UNC13A: variants seen among roughly 807,000 people sequenced by gnomAD.
The protein encoded by UNC13A is unc-13 homolog A, also known as protein unc-13 homolog A.
In UNC13A, 61 loss-of-function variants were observed where a neutral mutation model predicts 219.7. The ratio of observed to expected loss-of-function variants is 0.28; its 90% CI spans 0.23 to 0.34. UNC13A has a LOEUF of 0.34. Among genes scored for constraint, UNC13A ranks in the 10% least tolerant of loss-of-function variants. The probability of loss-of-function intolerance (pLI) is 1.00; values close to 1 mark genes in which losing one functional copy is unlikely to be tolerated. For missense variants in UNC13A, 1,476 were observed against 2,270.3 expected, an observed-to-expected ratio of 0.65 and a Z score of 7.11; for synonymous variants, 920 against 884.6, an observed-to-expected ratio of 1.04 and a Z score of -0.71.
chr19:17,629,471 T>A (rs1375270628), intron 30 of UNC13A, 148 bp from the exon 31 acceptor site: 2 of 630,686 alleles, frequency 3.2e-6, no homozygotes, highest in Non-Finnish European at 5.5e-6. Context: ...AATTCTCCAC[T>A]CAAGATGACC....
chr19:17,623,303 A>C, intron 36 of UNC13A: 2 of 466,918 alleles, frequency 4.3e-6, no homozygotes, highest in Non-Finnish European at 7.6e-6. Flanking sequence ...GGGAGTGGGT[A>C]GTGGGGCTCC....
At chr19:17,636,709 T>C (rs367932808) in intron 25 of UNC13A, among the ~76,000 whole-genome samples, 1 of 152,158 alleles carries the variant, frequency 6.6e-6, no homozygotes, top group Non-Finnish European at 1.5e-5. Context: ...ATTCTACCTA[T>C]CTAAACCCAA....
intron 20 of UNC13A, among the ~76,000 whole-genome samples, chr19:17,642,032 A>ACATC (rs56041637): frequency 1.3e-4 from 19 of 150,390 alleles, no homozygotes; most frequent in East Asian, 2.0e-4. Context: ...ATCTGCCTAT[A>ACATC]CATCCATCCA....
At chr19:17,668,239 C>T in intron 5 of UNC13A, 49 bp from the exon 6 acceptor site, 4 of 1,048,788 alleles carry the variant, frequency 3.8e-6, no homozygotes, top group Non-Finnish European at 5.3e-6. Flanking sequence ...CCCTGCCGCT[C>T]AGCCTCCATC....
rs1339832097 is a variant in UNC13A, at chr19:17,649,404, C to G, written c.1519-60G>C. 10 of 1,612,882 alleles carry G rather than the reference C, an allele frequency of 6.2e-6. No individual in the cohort carries two copies. The highest frequency in any genetic ancestry group is 8.5e-6 in the Non-Finnish European group (10 of 1,179,670). ...CAGACTACATTAGTCTCAGAGAATG[C>G]CTAGCTGGCCCCCAACCCCAGGTTG... On this transcript the variant is annotated intron_variant, in intron 13 of 43. Transcript: ENST00000519716. This position sits in a 1 kb window ranked among gnomAD's most constrained non-coding sequence, Gnocchi z 4.4.
At chr19:17,677,112 T>A (rs2079913535) in intron 1 of UNC13A, among the ~76,000 whole-genome samples, 1 of 152,122 alleles carries the variant, frequency 6.6e-6, no homozygotes, top group South Asian at 2.1e-4. Context: ...AGGTGTAACC[T>A]GAATATATGT....
chr19:17,623,131 A>C (rs2076746280), intron 36 of UNC13A: 1 of 194,144 alleles, frequency 5.2e-6, no homozygotes, highest in Admixed American at 6.0e-5. Context: ...CATTCTGGGA[A>C]GCTGCTGACA....
chr19:17,636,432 A>G (rs1378481888), intron 25 of UNC13A, among the ~76,000 whole-genome samples: 1 of 152,240 alleles, frequency 6.6e-6, no homozygotes, highest in Admixed American at 6.5e-5. Context: ...ACCCAGCTCC[A>G]CTAAACCAAA....
rs1245417981 is a variant in UNC13A at position 17,670,113 on chromosome 19, A to AT, written c.271-438dup. On this transcript the variant is annotated intron_variant, in intron 4 of 43. Transcript: ENST00000519716. ...AGGCACCCGCCACCACGCCTGGCTG[A>AT]TTTTTTGTATATTTAGTAGAGACGG... Among the ~76,000 whole-genome samples, 12 of 151,498 alleles carry AT rather than the reference A, an allele frequency of 7.9e-5. No individual in the cohort carries two copies. In the East Asian group the frequency reaches 2.3e-3, roughly 30 times the overall value.
intron 38 of UNC13A, 54 bp from the exon 39 acceptor site, chr19:17,619,016 C>A: frequency 6.4e-7 from 1 of 1,553,106 alleles, no homozygotes; most frequent in South Asian, 1.1e-5. Context: ...AGCTGACACT[C>A]CAGCCCCAGA....
chr19:17,663,519 G>T lies in UNC13A; in HGVS notation c.559+13C>A. On this transcript the variant is annotated intron_variant, in intron 8 of 43. Transcript: ENST00000519716. ...ATGTAACTCCCAGAACATCAATCAG[G>T]CTGAGTACTTACTGTGCTGCTCACC... is the stretch of plus-strand genomic sequence containing the variant. 6.2e-7 allele frequency: 1 copy of T among 1,612,590 alleles called. No individual in the cohort carries two copies. The highest frequency in any genetic ancestry group is 8.5e-7 in the Non-Finnish European group (1 of 1,179,372).
At chr19:17,638,657 G>A (rs1406880972) in intron 25 of UNC13A, among the ~76,000 whole-genome samples, 3 of 151,640 alleles carry the variant, frequency 2.0e-5, no homozygotes, top group Non-Finnish European at 4.4e-5. Context: ...GTGAAACCCC[G>A]TTTTTACTAA....
At chr19:17,679,503 T>C (rs923148347) in intron 1 of UNC13A, among the ~76,000 whole-genome samples, 5 of 147,598 alleles carry the variant, frequency 3.4e-5, no homozygotes, top group Non-Finnish European at 6.0e-5. Flanking sequence ...GGAGAGGCAG[T>C]TGGGGGAGAA....
At position 17,605,946 on chromosome 19, in the gene UNC13A, AG is replaced by A. The variant is rs1355851438; in HGVS notation, c.*107del. 2.9e-5 allele frequency: 30 copies of A among 1,048,094 alleles called. No homozygotes were observed. The Middle Eastern group carries it at 9.7e-4, about 34-fold the overall frequency. The allele number at this position is 1,048,094 out of a possible 1,614,324, so 64.9% of individuals were successfully genotyped here. On this transcript the variant is annotated 3_prime_UTR_variant, in exon 44 of 44. Transcript: ENST00000519716. ...TAGGCGCAGCCCACCCTTGGCGTGG[AG>A]CCCCCCGAGCCCCGCCCCTGGGGAG...
chr19:17,687,418 G>A (rs2080135583), intron 1 of UNC13A, among the ~76,000 whole-genome samples: 2 of 152,206 alleles, frequency 1.3e-5, no homozygotes, highest in Non-Finnish European at 2.9e-5. Context: ...GCTCCCTGCC[G>A]AGAAGGCCCT....
chr19:17,623,303 A>G, intron 36 of UNC13A: 1 of 466,922 alleles, frequency 2.1e-6, no homozygotes. Flanking sequence ...GGGAGTGGGT[A>G]GTGGGGCTCC....
intron 3 of UNC13A, 108 bp from the exon 4 acceptor site, chr19:17,672,603 T>TAGGACACTCCC: frequency 1.2e-6 from 1 of 808,278 alleles, no homozygotes; most frequent in Non-Finnish European, 2.0e-6. Flanking sequence ...AATTCAAACC[T>TAGGACACTCCC]AGGCCTGGGA....
At chr19:17,609,452 A>C (rs2076578380) in intron 43 of UNC13A, among the ~76,000 whole-genome samples, 1 of 151,408 alleles carries the variant, frequency 6.6e-6, no homozygotes, top group Non-Finnish European at 1.5e-5. Context: ...CCCAGAGCCG[A>C]CTCCTCCAGA....
chr19:17,643,167 G>A (rs988429120), intron 19 of UNC13A, among the ~76,000 whole-genome samples: 4 of 151,768 alleles, frequency 2.6e-5, no homozygotes, highest in Non-Finnish European at 4.4e-5. Flanking sequence ...GCCTGCCACC[G>A]TGCCCAGCTA....
Sources: allele counts gnomAD v4.1 joint callset (sites outside exome capture counted in the v4.1 genomes callset), GRCh38; gene constraint gnomAD v4.1.1; non-coding constraint Gnocchi (gnomAD v3.1); transcripts MANE v1.5; gene names NCBI Gene and HGNC (gene_info 2026-07-23, HGNC 2026-07-21).